CYP27A1: variants seen among roughly 807,000 people sequenced by gnomAD.
CYP27A1 encodes the protein cytochrome P450 family 27 subfamily A member 1.
CYP27A1 carries 46 observed loss-of-function variants against 58.2 expected under a neutral mutation model. The observed-to-expected ratio is 0.79, with a 90% CI of 0.62 to 1.01. The LOEUF (loss-of-function observed/expected upper bound fraction) is 1.01. Among genes scored for constraint, CYP27A1 ranks in the 50% least tolerant of loss-of-function variants. The pLI, the probability that CYP27A1 is intolerant of heterozygous loss-of-function variation, is 0.00. For synonymous variants in CYP27A1, 274 were observed against 285.1 expected (o/e 0.96, Z 0.39); for missense variants, 704 against 687.0 (o/e 1.02, Z -0.28).
intron 2 of CYP27A1, among the ~76,000 whole-genome samples, chr2:218,811,299 C>G (rs906996952): frequency 6.6e-6 from 1 of 152,210 alleles, no homozygotes; most frequent in Admixed American, 6.5e-5. Context: ...ATTCTCCCCT[C>G]TTTATCCAGG....
chr2:218,786,241 A>G (rs576103473), intron 1 of CYP27A1, among the ~76,000 whole-genome samples: 1 of 152,298 alleles, frequency 6.6e-6, no homozygotes, highest in African/African-American at 2.4e-5. Context: ...GATAGTGGCC[A>G]GGTGGAGATA....
rs775027289 is a variant in CYP27A1 at position 218,812,938 on chromosome 2, G to A, written c.859G>A (p.Asp287Asn). Residue 287 changes from aspartate to asparagine, a missense_variant, in exon 5 of 9, where the codon GAT becomes AAT. Transcript: ENST00000258415. ...TGCTTTCACAGGGAAGAAGCTGATT[G>A]ATGAGAAGCTCGAAGATATGGAGGC... ...AIFSFGKKLIDEKLEDMEAQL... is the reference protein window; with the variant it reads ...AIFSFGKKLINEKLEDMEAQL... The A allele has an allele frequency of 5.6e-6, 9 of 1,614,220 alleles. No individual in the cohort carries two copies. The highest frequency in any genetic ancestry group is 5.9e-6 in the Non-Finnish European group (7 of 1,180,046).
chr2:218,782,814 C>A lies in CYP27A1; in HGVS notation c.255+377C>A, dbSNP rs920202493. Among the ~76,000 whole-genome samples, 1 of 152,180 alleles carries A rather than the reference C, an allele frequency of 6.6e-6. No homozygotes were observed. The highest frequency in any genetic ancestry group is 2.4e-5 in the African/African-American group (1 of 41,434). On this transcript the variant is annotated intron_variant, in intron 1 of 8. Coordinates refer to ENST00000258415, the MANE Select transcript of CYP27A1 (RefSeq NM_000784.4). The surrounding 1 kb of genome is among the most constrained non-coding windows in gnomAD (Gnocchi z 4.1). ...GGCTGATATTGGCTACCACAGACTTCTTCCAAACGAAATAACTTCAGGAGG... is the reference window on the plus strand; with the variant it reads ...GGCTGATATTGGCTACCACAGACTTATTCCAAACGAAATAACTTCAGGAGG...
Position 218,814,092 on chromosome 2 carries a change from G to A in CYP27A1, c.1089G>A (p.Glu363=), listed in dbSNP as rs963559886. 7 of 1,614,130 alleles carry A rather than the reference G, an allele frequency of 4.3e-6. No individual in the cohort carries two copies. The African/African-American group carries it at 8.0e-5, about 18-fold the overall frequency. ...CTGAGATCCAGGAGGCCTTGCACGA[G>A]GAAGTGGTGGGTGTGGTGCCAGCCG... ...KDPEIQEALH[E]EVVGVVPAGQ... Residue 363 remains glutamate, a synonymous_variant, in exon 6 of 9, where the codon GAG becomes GAA. Transcript: ENST00000258415.
chr2:218,814,341 T>A, intron 6 of CYP27A1, 39 bp from the exon 7 acceptor site: 1 of 1,609,240 alleles, frequency 6.2e-7, no homozygotes, highest in Non-Finnish European at 8.5e-7. Context: ...TGTACCCCCA[T>A]GAATCCAGAG....
At chr2:218,796,519 G>T (rs1208197972) in intron 1 of CYP27A1, among the ~76,000 whole-genome samples, 1 of 151,272 alleles carries the variant, frequency 6.6e-6, no homozygotes, top group African/African-American at 2.4e-5. Context: ...ACTTGAACCC[G>T]GGAGGCAGAG....
intron 1 of CYP27A1, among the ~76,000 whole-genome samples, chr2:218,790,169 G>C (rs1943478433): frequency 6.6e-6 from 1 of 152,144 alleles, no homozygotes; most frequent in Non-Finnish European, 1.5e-5. Context: ...ACTGCTCTCA[G>C]TTACCTCATT....
chr2:218,809,649 A>G lies in CYP27A1; in HGVS notation c.328A>G (p.Ser110Gly), dbSNP rs1200242439. The part of the protein sequence containing the change: ...LGPQMHVNLA[S>G]APLLEQVMRQ... ...GCCTCAGATGCACGTGAACCTGGCC[A>G]GTGCCCCGCTCTTGGAGCAAGTGAT... is the stretch of plus-strand genomic sequence containing the variant. The change falls in exon 2 of 9, where the codon AGT (serine) becomes GGT (glycine). Residue 110 changes from serine (S) to glycine (G), a missense_variant. Coordinates refer to ENST00000258415, the MANE Select transcript of CYP27A1 (RefSeq NM_000784.4). 1 of 1,614,076 alleles carries G rather than the reference A, an allele frequency of 6.2e-7. No homozygotes were observed. Among genetic ancestry groups the G allele is most frequent in the Non-Finnish European group, 8.5e-7 (1 of 1,180,030 alleles).
chr2:218,803,487 G>A (rs759372114), intron 1 of CYP27A1, among the ~76,000 whole-genome samples: 3 of 152,066 alleles, frequency 2.0e-5, no homozygotes, highest in Non-Finnish European at 2.9e-5. Context: ...GTGCAGTAGT[G>A]CGATCTTGGC....
rs748563770 is a variant in CYP27A1 at position 218,814,923 on chromosome 2, T to A, written c.1489T>A (p.Tyr497Asn). The change falls in exon 9 of 9, where the codon TAC becomes AAC. Residue 497 changes from tyrosine (Y) to asparagine (N), a missense_variant. Physicochemically the swap from Tyr to Asn is moderately radical, Grantham distance 143. Coordinates refer to ENST00000258415, the MANE Select transcript of CYP27A1 (RefSeq NM_000784.4). ...CTTTACCCCCCAGCTGATCCAGAAG[T>A]ACAAGGTGGTCCTGGCCCCGGAGAC... ...QLLLARLIQK[Y>N]KVVLAPETGE... The A allele has an allele frequency of 6.2e-7, 1 of 1,614,194 alleles. No homozygotes were observed.
chr2:218,783,106 C>T (rs1943409885), intron 1 of CYP27A1, among the ~76,000 whole-genome samples: 1 of 151,338 alleles, frequency 6.6e-6, no homozygotes, highest in South Asian at 2.1e-4. Flanking sequence ...AAAATACAAA[C>T]ATTAGCCGGG....
chr2:218,814,498 T>C, intron 7 of CYP27A1, 40 bp downstream of exon 7: 1 of 1,612,832 alleles, frequency 6.2e-7, no homozygotes, highest in South Asian at 1.1e-5. Flanking sequence ...AGGAGTGCCC[T>C]ATGCCCCCGA....
intron 5 of CYP27A1, among the ~76,000 whole-genome samples, chr2:218,813,619 G>A (rs897894970): frequency 6.6e-6 from 1 of 151,810 alleles, no homozygotes; most frequent in Non-Finnish European, 1.5e-5. Context: ...TAGTAGAGAC[G>A]GGGGTTTCAC....
intron 1 of CYP27A1, among the ~76,000 whole-genome samples, chr2:218,800,514 A>G (rs1943590050): frequency 6.6e-6 from 1 of 152,216 alleles, no homozygotes; most frequent in Non-Finnish European, 1.5e-5. Context: ...AATCACATAA[A>G]TATGAGTTAC....
At chr2:218,801,020 A>C (rs897839270) in intron 1 of CYP27A1, among the ~76,000 whole-genome samples, 1 of 152,208 alleles carries the variant, frequency 6.6e-6, no homozygotes, top group Admixed American at 6.5e-5. Flanking sequence ...TAAAGCTTTG[A>C]TTAACATTAA....
chr2:218,801,048 G>A (rs1943594943), intron 1 of CYP27A1, among the ~76,000 whole-genome samples: 1 of 152,158 alleles, frequency 6.6e-6, no homozygotes, highest in South Asian at 2.1e-4. Flanking sequence ...AGCACTAAAT[G>A]TTTGTGTACA....
chr2:218,782,397 T>C lies in CYP27A1; in HGVS notation c.215T>C (p.Leu72Pro), dbSNP rs138189735. 5 of 1,614,196 alleles carry C rather than the reference T, an allele frequency of 3.1e-6. No individual in the cohort carries two copies. Among genetic ancestry groups the C allele is most frequent in the Non-Finnish European group, 4.2e-6 (5 of 1,179,996 alleles). The change falls in exon 1 of 9, where the codon CTG becomes CCG. Residue 72 changes from leucine (L) to proline (P), a missense_variant. By Grantham distance (98) the Leu-to-Pro change is moderately conservative (BLOSUM62 -3). Transcript: ENST00000258415. The surrounding 1 kb of genome is among the most constrained non-coding windows in gnomAD (Gnocchi z 4.1). ...GGACAGCTGCGCTTCTTCTTTCAGCTGTTCGTTCAAGGCTATGCCCTGCAA... is the reference window on the plus strand; with the variant it reads ...GGACAGCTGCGCTTCTTCTTTCAGCCGTTCGTTCAAGGCTATGCCCTGCAA... ...RLGQLRFFFQ[L>P]FVQGYALQLH... is the part of the protein sequence containing the mutation.
At chr2:218,783,460 A>C (rs1943414648) in intron 1 of CYP27A1, among the ~76,000 whole-genome samples, 1 of 152,130 alleles carries the variant, frequency 6.6e-6, no homozygotes, top group African/African-American at 2.4e-5. Flanking sequence ...GAGAGGATTT[A>C]GGGAATGAAC....
chr2:218,794,519 C>A (rs1943526750), intron 1 of CYP27A1, among the ~76,000 whole-genome samples: 1 of 152,060 alleles, frequency 6.6e-6, no homozygotes, highest in South Asian at 2.1e-4. Context: ...AAGATCAGCT[C>A]AAAAATCCCA....
Sources: allele counts gnomAD v4.1 joint callset (sites outside exome capture counted in the v4.1 genomes callset), GRCh38; gene constraint gnomAD v4.1.1; non-coding constraint Gnocchi (gnomAD v3.1); transcripts MANE v1.5; gene names NCBI Gene and HGNC (gene_info 2026-07-23, HGNC 2026-07-21).